The following HFM1 variants were observed in gnomAD, a reference collection of about 807,000 sequenced individuals.
HFM1 encodes probable ATP-dependent DNA helicase HFM1.
A neutral mutation model predicts 192.1 loss-of-function variants in HFM1; 169 were observed. The observed-to-expected ratio is 0.88, with a 90% confidence interval of 0.78 to 1.00. The LOEUF (loss-of-function observed/expected upper bound fraction) is 1.00, where lower values mean the gene tolerates loss of function less well. Ranked by LOEUF, HFM1 falls within the 50% of genes least tolerant of loss-of-function variation. The pLI is 0.00. For synonymous variants in HFM1, 525 were observed against 537.8 expected, an observed-to-expected ratio of 0.98 and a Z score of 0.33; for missense variants, 1,661 against 1,668.0, an observed-to-expected ratio of 1.00 and a Z score of 0.07.
chr1:91,263,681 A>G (rs1314798546), intron 36 of HFM1, among the ~76,000 whole-genome samples: 1 of 152,122 alleles, frequency 6.6e-6, no homozygotes, highest in Non-Finnish European at 1.5e-5. Flanking sequence ...TTAGCCCAAG[A>G]GCTTGAGGCT....
At chr1:91,336,938 G>A (rs1268648719) in intron 20 of HFM1, among the ~76,000 whole-genome samples, 1 of 152,214 alleles carries the variant, frequency 6.6e-6, no homozygotes, top group Non-Finnish European at 1.5e-5. Context: ...CAGGAAAATG[G>A]ATGGAGCTGG....
intron 20 of HFM1, chr1:91,328,385 G>GTA: frequency 6.3e-7 from 1 of 1,579,892 alleles, no homozygotes; most frequent in Non-Finnish European, 8.6e-7. Flanking sequence ...GTTGCCATGG[G>GTA]TATTCAAGGC....
intron 13 of HFM1, among the ~76,000 whole-genome samples, chr1:91,373,188 CT>C (rs1557478158): frequency 6.6e-6 from 1 of 151,306 alleles, no homozygotes; most frequent in Non-Finnish European, 1.5e-5. Context: ...AAATTGGCTC[CT>C]CTAGGCTTGC....
intron 13 of HFM1, among the ~76,000 whole-genome samples, chr1:91,362,894 T>C (rs1658706204): frequency 6.6e-6 from 1 of 152,118 alleles, no homozygotes; most frequent in Non-Finnish European, 1.5e-5. Context: ...ACATCTGATC[T>C]TCAACAAATG....
chr1:91,291,266 G>C (rs1005583540), intron 30 of HFM1, among the ~76,000 whole-genome samples: 2 of 152,068 alleles, frequency 1.3e-5, no homozygotes, highest in African/African-American at 4.8e-5. Context: ...TTCAGGAGCT[G>C]GTTTTTTGAA....
chr1:91,338,845 C>T (rs2101605968), intron 20 of HFM1: 1 of 443,410 alleles, frequency 2.3e-6, no homozygotes, highest in East Asian at 7.0e-5. Context: ...ACTATACAGC[C>T]ACTGTTGGCA....
chr1:91,304,152 G>A (rs1483575522), intron 30 of HFM1, among the ~76,000 whole-genome samples: 1 of 152,044 alleles, frequency 6.6e-6, no homozygotes, highest in Non-Finnish European at 1.5e-5. Flanking sequence ...ACTGTGCCCG[G>A]CCCCTTGACT....
intron 30 of HFM1, among the ~76,000 whole-genome samples, chr1:91,287,763 G>GA (rs1334592376): frequency 1.3e-5 from 2 of 151,196 alleles, no homozygotes; most frequent in African/African-American, 4.9e-5. Flanking sequence ...TGAAAACTTT[G>GA]AAAAAAATTT....
chr1:91,314,837 A>G (rs899698349), intron 28 of HFM1, among the ~76,000 whole-genome samples: 1 of 152,240 alleles, frequency 6.6e-6, no homozygotes, highest in African/African-American at 2.4e-5. Context: ...GATTTGTACA[A>G]CAGCATATTC....
intron 13 of HFM1, among the ~76,000 whole-genome samples, chr1:91,364,632 A>ATATATTTTT (rs753472335): frequency 6.0e-5 from 4 of 66,812 alleles, no homozygotes; most frequent in Admixed American, 2.5e-4. Flanking sequence ...ATATATATAT[A>ATATATTTTT]TTTTTTTTTT....
At chr1:91,371,260 C>A (rs996747642) in intron 13 of HFM1, among the ~76,000 whole-genome samples, 1 of 150,756 alleles carries the variant, frequency 6.6e-6, no homozygotes, top group African/African-American at 2.4e-5. Context: ...TCACATGGAA[C>A]CGAAAAAGAG....
chr1:91,292,778 C>A (rs1668927985), intron 30 of HFM1, among the ~76,000 whole-genome samples: 1 of 152,142 alleles, frequency 6.6e-6, no homozygotes, highest in Non-Finnish European at 1.5e-5. Context: ...AAGCTGGAGG[C>A]ATCACACTAC....
intron 36 of HFM1, among the ~76,000 whole-genome samples, chr1:91,263,282 TTTAAG>T (rs1451262955): frequency 6.6e-6 from 1 of 152,154 alleles, no homozygotes; most frequent in African/African-American, 2.4e-5. Flanking sequence ...GAGGTAACCA[TTTAAG>T]TTGACACCTG....
chr1:91,289,060 C>A (rs1379383702), intron 30 of HFM1, among the ~76,000 whole-genome samples: 2 of 151,826 alleles, frequency 1.3e-5, no homozygotes, highest in South Asian at 4.2e-4. Context: ...CCCCCACCTC[C>A]CGGATGGGGC....
intron 30 of HFM1, among the ~76,000 whole-genome samples, chr1:91,300,654 C>T (rs1570862913): frequency 1.3e-5 from 2 of 152,226 alleles, no homozygotes; most frequent in Non-Finnish European, 2.9e-5. Context: ...AAACTTAATC[C>T]AGCATATAAA....
intron 30 of HFM1, among the ~76,000 whole-genome samples, chr1:91,299,540 C>T (rs1261559408): frequency 6.6e-6 from 1 of 152,146 alleles, no homozygotes. Context: ...GGAAGTAAAG[C>T]TCTCCTCAGC....
chr1:91,328,718 C>A (rs1653323446), intron 20 of HFM1: 1 of 1,606,418 alleles, frequency 6.2e-7, no homozygotes, highest in Non-Finnish European at 8.5e-7. Context: ...GCAGCTACAG[C>A]AGGCTCAGGC....
intron 23 of HFM1, among the ~76,000 whole-genome samples, chr1:91,321,154 G>T (rs1391096993): frequency 6.6e-6 from 1 of 152,138 alleles, no homozygotes; most frequent in African/African-American, 2.4e-5. Flanking sequence ...TAAATTAAAA[G>T]GGCAGAGCCA....
chr1:91,277,985 A>C (rs1224538571), intron 30 of HFM1, among the ~76,000 whole-genome samples: 1 of 142,196 alleles, frequency 7.0e-6, no homozygotes, highest in African/African-American at 2.6e-5. Flanking sequence ...TATTATATAT[A>C]TATAAAATAG....
Sources: allele counts gnomAD v4.1 joint callset (sites outside exome capture counted in the v4.1 genomes callset), GRCh38; gene constraint gnomAD v4.1.1; transcripts MANE v1.5; gene names NCBI Gene and HGNC (gene_info 2026-07-23, HGNC 2026-07-21).